Variants in MPHOSPH8 observed in about 807,000 individuals in gnomAD.
The protein encoded by MPHOSPH8 is M-phase phosphoprotein 8, also known as M-phase phosphoprotein, mpp.
MPHOSPH8 carries 45 observed loss-of-function variants against 87.3 expected under a neutral mutation model. That is an observed-to-expected ratio of 0.52 (90% CI 0.41 to 0.66). MPHOSPH8 has a LOEUF of 0.66. Among genes scored for constraint, MPHOSPH8 ranks in the 30% least tolerant of loss-of-function variants. The pLI is 0.00. For synonymous variants in MPHOSPH8, 366 were observed against 376.9 expected (o/e 0.97, Z 0.33); for missense variants, 883 against 1,020.2 (o/e 0.87, Z 1.83).
At chr13:19,661,636 C>G (rs1200790574) in intron 7 of MPHOSPH8, 62 bp from the exon 8 acceptor site, 33 of 1,491,302 alleles carry the variant, frequency 2.2e-5, no homozygotes, top group Non-Finnish European at 2.7e-5. Flanking sequence ...AGTGAGAAGA[C>G]TTGGTTCTGA....
At position 19,673,145 on chromosome 13, in the gene MPHOSPH8, C is replaced by G; in HGVS notation, c.*1270C>G. ...GACCTTGTGCCCTTGTTTTGAACAC[C>G]GACTGGGAAGATGGGGCTTAGGTAA... On this transcript the variant is annotated 3_prime_UTR_variant, in exon 14 of 14. Transcript: ENST00000361479. 1 of 453,108 alleles carries G rather than the reference C, an allele frequency of 2.2e-6. No individual in the cohort carries two copies. The highest frequency in any genetic ancestry group is 1.6e-5 in the South Asian group (1 of 64,244). 28.1% of individuals were successfully genotyped at this position (453,108 alleles called of 1,614,324 possible). A position where few individuals can be genotyped will look rare whatever the true frequency, so the allele number is the denominator to read the frequency against.
intron 4 of MPHOSPH8, 47 bp downstream of exon 4, chr13:19,648,568 T>C: frequency 1.1e-6 from 1 of 899,108 alleles, no homozygotes; most frequent in Non-Finnish European, 1.6e-6. Context: ...CTATCTTTTA[T>C]ACAAATAACC....
At position 19,646,601 on chromosome 13, in the gene MPHOSPH8, G is replaced by A. The variant is rs1874576301; in HGVS notation, c.528G>A (p.Gly176=). Residue 176 remains glycine (G), a synonymous_variant, in exon 3 of 14, where the codon GGG becomes GGA. Coordinates refer to ENST00000361479, the MANE Select transcript of MPHOSPH8 (RefSeq NM_017520.4). ...TGAAAAAGAAAAAAGCAAAGGCCGG[G>A]AAGCTAAAAGACAAGTCCAAACCAG... ...DDLKKKKAKA[G]KLKDKSKPDL... 6.3e-7 allele frequency: 1 copy of A among 1,584,054 alleles called. No homozygotes were observed. Among genetic ancestry groups the A allele is most frequent in the South Asian group, 1.2e-5 (1 of 84,212 alleles).
rs1391240491 is a variant in MPHOSPH8, at chr13:19,646,640, C to T, written c.567C>T (p.Ser189=). ...AGTCCAAACCAGACCTGGAGAGCTC[C>T]TTGGAAAGTTTAGTTTTTGATTTAA... ...KDKSKPDLES[S]LESLVFDLRT... is the part of the protein sequence containing the mutation. Residue 189 remains serine (S), a synonymous_variant, in exon 3 of 14, where the codon TCC becomes TCT. Coordinates refer to ENST00000361479, the MANE Select transcript of MPHOSPH8 (RefSeq NM_017520.4). 6.3e-7 allele frequency: 1 copy of T among 1,588,924 alleles called. No homozygotes were observed. The highest frequency in any genetic ancestry group is 1.4e-5 in the African/African-American group (1 of 72,838).
Position 19,647,281 on chromosome 13 carries a change from C to T in MPHOSPH8, c.1208C>T (p.Ser403Leu). Residue 403 changes from serine (S) to leucine (L), a missense_variant, in exon 3 of 14, where the codon TCA (serine) becomes TTA (leucine). Around this residue, in one of 3 missense-constraint regions of MPHOSPH8, gnomAD observed 741 missense variants for 841.5 expected, o/e 0.88. Coordinates refer to ENST00000361479, the MANE Select transcript of MPHOSPH8 (RefSeq NM_017520.4). Reference sequence around the variant, plus strand: ...GAGAGAGGCCTCTGGTCCACGGACTCAGCCGAGGAGGTAAGGGCCACGGGA... The same window carrying T: ...GAGAGAGGCCTCTGGTCCACGGACTTAGCCGAGGAGGTAAGGGCCACGGGA... ...GEERGLWSTD[S>L]AEEDKETKRN... 2 of 1,598,354 alleles carry T rather than the reference C, an allele frequency of 1.3e-6. No homozygotes were observed. Among genetic ancestry groups the T allele is most frequent in the Non-Finnish European group, 1.7e-6 (2 of 1,175,454 alleles).
At position 19,666,551 on chromosome 13, in the gene MPHOSPH8, T is replaced by C; in HGVS notation, c.2146T>C (p.Tyr716His). Reference sequence around the variant, plus strand: ...GAAGCAGTCTAACAATGTGCTTGTGTACGACTTGCTGAAGAACCATTTAGA... The same window carrying C: ...GAAGCAGTCTAACAATGTGCTTGTGCACGACTTGCTGAAGAACCATTTAGA... Reference protein sequence around the residue: ...FAKQSNNVLVYDLLKNHLETL... With the variant: ...FAKQSNNVLVHDLLKNHLETL... Residue 716 changes from tyrosine to histidine, a missense_variant, in exon 10 of 14, where the codon TAC becomes CAC. This residue lies in a region of MPHOSPH8 where 741 missense variants were observed against 841.5 expected (regional missense o/e 0.88). Coordinates refer to ENST00000361479, the MANE Select transcript of MPHOSPH8 (RefSeq NM_017520.4). 6.3e-7 allele frequency: 1 copy of C among 1,591,332 alleles called. No individual in the cohort carries two copies. Among genetic ancestry groups the C allele is most frequent in the African/African-American group, 1.3e-5 (1 of 74,760 alleles).
chr13:19,638,861 T>C (rs1360046965), intron 1 of MPHOSPH8, among the ~76,000 whole-genome samples: 3 of 151,188 alleles, frequency 2.0e-5, no homozygotes, highest in African/African-American at 7.3e-5. Context: ...TGCTAGCGGA[T>C]CTCTTGAGGT....
chr13:19,638,011 G>C (rs1468178087), intron 1 of MPHOSPH8, among the ~76,000 whole-genome samples: 1 of 151,420 alleles, frequency 6.6e-6, no homozygotes, highest in Non-Finnish European at 1.5e-5. Context: ...TGAGGCAGGA[G>C]AATGGCATGA....
chr13:19,639,531 A>C (rs1874178077), intron 1 of MPHOSPH8, among the ~76,000 whole-genome samples: 1 of 151,876 alleles, frequency 6.6e-6, no homozygotes, highest in Non-Finnish European at 1.5e-5. Flanking sequence ...GGGTGGTCTC[A>C]AACGCCTGAC....
intron 5 of MPHOSPH8, among the ~76,000 whole-genome samples, chr13:19,653,951 CGAG>C (rs1322618904): frequency 2.6e-5 from 4 of 152,224 alleles, no homozygotes; most frequent in African/African-American, 7.2e-5. Flanking sequence ...GTGAAAGTGA[CGAG>C]GAGGATGGAA....
At chr13:19,635,749 C>G (rs78242375) in intron 1 of MPHOSPH8, among the ~76,000 whole-genome samples, 2 of 152,092 alleles carry the variant, frequency 1.3e-5, no homozygotes, top group Non-Finnish European at 2.9e-5. Flanking sequence ...TTTAGGTGCT[C>G]TTGTGAAGGA....
intron 9 of MPHOSPH8, among the ~76,000 whole-genome samples, chr13:19,665,901 T>C (rs938331597): frequency 1.3e-5 from 2 of 152,210 alleles, no homozygotes; most frequent in Non-Finnish European, 2.9e-5. Context: ...TTCGGATCTG[T>C]GCTTGGGTTG....
chr13:19,647,102 G>A lies in MPHOSPH8; in HGVS notation c.1029G>A (p.Glu343=), dbSNP rs1342939509. 1 of 1,613,418 alleles carries A rather than the reference G, an allele frequency of 6.2e-7. No homozygotes were observed. Among genetic ancestry groups the A allele is most frequent in the Non-Finnish European group, 8.5e-7 (1 of 1,179,808 alleles). The change falls in exon 3 of 14, where the codon GAG becomes GAA. Residue 343 remains glutamate (E), a synonymous_variant. Coordinates refer to ENST00000361479, the MANE Select transcript of MPHOSPH8 (RefSeq NM_017520.4). ...CGAGAAAGGCTGAGGACACTAGAGA[G>A]AACAGGAAGCTAGAGAACAAGAACG... ...KTPRKAEDTR[E]NRKLENKNAF...
intron 11 of MPHOSPH8, 31 bp downstream of exon 11, chr13:19,668,562 A>T (rs1416803736): frequency 6.3e-7 from 1 of 1,589,304 alleles, no homozygotes; most frequent in Non-Finnish European, 8.6e-7. Context: ...ACACTTTTCT[A>T]TGTGAAGTGT....
At chr13:19,641,901 T>C (rs1311820863) in intron 1 of MPHOSPH8, among the ~76,000 whole-genome samples, 1 of 152,164 alleles carries the variant, frequency 6.6e-6, no homozygotes, top group Non-Finnish European at 1.5e-5. Flanking sequence ...CCCAAAGTGC[T>C]GGGATTATAG....
chr13:19,662,913 G>A (rs990705358), intron 8 of MPHOSPH8, 127 bp from the exon 9 acceptor site: 3 of 790,726 alleles, frequency 3.8e-6, no homozygotes, highest in African/African-American at 3.5e-5. Context: ...CGGGAATGCT[G>A]CAGCCCGCAA....
chr13:19,658,948 T>C, intron 5 of MPHOSPH8, 47 bp from the exon 6 acceptor site: 1 of 1,587,018 alleles, frequency 6.3e-7, no homozygotes, highest in Non-Finnish European at 8.5e-7. Flanking sequence ...TGTGGGTTTT[T>C]TATACTTCAG....
intron 1 of MPHOSPH8, among the ~76,000 whole-genome samples, chr13:19,636,310 C>G (rs935819540): frequency 6.6e-6 from 1 of 152,142 alleles, no homozygotes; most frequent in African/African-American, 2.4e-5. Flanking sequence ...GAAACACTTA[C>G]AATTGATTCA....
chr13:19,638,181 G>A (rs2137495832), intron 1 of MPHOSPH8, among the ~76,000 whole-genome samples: 1 of 152,060 alleles, frequency 6.6e-6, no homozygotes, highest in Admixed American at 6.5e-5. Flanking sequence ...ATTCTCAATG[G>A]ATAAAATCAC....
Sources: allele counts gnomAD v4.1 joint callset (sites outside exome capture counted in the v4.1 genomes callset), GRCh38; gene constraint gnomAD v4.1.1; regional missense constraint gnomAD v4.1.1; transcripts MANE v1.5; gene names NCBI Gene and HGNC (gene_info 2026-07-23, HGNC 2026-07-21).